TARBP1: variants seen among roughly 807,000 people sequenced by gnomAD.
TARBP1 encodes tRNA guanosine 2 -O-methyltransferase TARBP1.
TARBP1 carries 144 observed loss-of-function variants against 178.6 expected under a neutral mutation model. That is an observed-to-expected ratio of 0.81 (90% CI 0.70 to 0.93). TARBP1 has a LOEUF of 0.93. Among genes scored for constraint, TARBP1 ranks in the 40% least tolerant of loss-of-function variants. The pLI is 0.00. For missense variants in TARBP1, 2,067 were observed against 2,011.7 expected (o/e 1.03, Z -0.53); for synonymous variants, 787 against 781.0 (o/e 1.01, Z -0.13).
chr1:234,401,132 C>T, intron 25 of TARBP1, 49 bp downstream of exon 25: 1 of 1,470,828 alleles, frequency 6.8e-7, no homozygotes, highest in Non-Finnish European at 9.4e-7. Context: ...AAGGAAGCAT[C>T]AGGATTAAAG....
intron 25 of TARBP1, among the ~76,000 whole-genome samples, chr1:234,399,726 T>A (rs2103040679): frequency 6.6e-6 from 1 of 152,242 alleles, no homozygotes; most frequent in Non-Finnish European, 1.5e-5. Flanking sequence ...TGAGTTCATG[T>A]CCTTTGTAGG....
In TARBP1 at chr1:234,451,554, C is replaced by T. The variant is rs1458801616; in HGVS notation, c.1723-988G>A. On this transcript the variant is annotated intron_variant, in intron 9 of 29. Coordinates refer to ENST00000040877, the MANE Select transcript of TARBP1 (RefSeq NM_005646.4). ...CGAGGTCAGGAGATCGAGACCATCCCGGCTAAAAACGGTGAAACCCCGTCT... is the reference window on the plus strand; with the variant it reads ...CGAGGTCAGGAGATCGAGACCATCCTGGCTAAAAACGGTGAAACCCCGTCT... 1.9e-4 allele frequency among the ~76,000 whole-genome samples: 7 copies of T among 36,798 alleles called. 2 individuals are homozygous for T. The highest frequency in any genetic ancestry group is 1.4e-3 in the South Asian group (2 of 1,462). The allele number at this position is 36,798 out of a possible 152,430, so 24.1% of individuals were successfully genotyped here.
chr1:234,437,644 G>A lies in TARBP1; in HGVS notation c.2135-272C>T, dbSNP rs577468419. ...AAACCTAGACAGAATGCATGACGCA[G>A]CTATTTGAAAACTCTACAAGGAAAA... On this transcript the variant is annotated intron_variant, in intron 12 of 29. Coordinates refer to ENST00000040877, the MANE Select transcript of TARBP1 (RefSeq NM_005646.4). Among the ~76,000 whole-genome samples the A allele has an allele frequency of 7.4e-4, 113 of 152,340 alleles. 1 individual carries two copies. The highest frequency in any genetic ancestry group is 7.3e-3 in the South Asian group (35 of 4,824).
chr1:234,477,795 GATAA>G (rs1669704900), intron 1 of TARBP1, among the ~76,000 whole-genome samples: 1 of 152,166 alleles, frequency 6.6e-6, no homozygotes, highest in South Asian at 2.1e-4. Flanking sequence ...GGTCAGTACA[GATAA>G]ATAACAAATA....
At chr1:234,418,263 TAC>T (rs1662672474) in intron 21 of TARBP1, 30 bp from the exon 22 acceptor site, 1 of 1,522,460 alleles carries the variant, frequency 6.6e-7, no homozygotes. Flanking sequence ...ATTAACCAGT[TAC>T]AGTTATTCAT....
chr1:234,474,272 AC>A lies in TARBP1; in HGVS notation c.932-1462del, dbSNP rs747804083. ...CACACACACACACACACACACACAC[AC>A]ACACACACACACACAAAGGGGACAT... On this transcript the variant is annotated intron_variant, in intron 1 of 29. Coordinates refer to ENST00000040877, the MANE Select transcript of TARBP1 (RefSeq NM_005646.4). Among the ~76,000 whole-genome samples, 310 of 150,618 alleles carry A rather than the reference AC, an allele frequency of 2.1e-3. 3 individuals are homozygous for A. Among genetic ancestry groups the A allele is most frequent in the African/African-American group, 4.7e-3 (192 of 40,966 alleles).
chr1:234,458,628 C>A (rs1667532824), intron 8 of TARBP1, among the ~76,000 whole-genome samples: 1 of 152,234 alleles, frequency 6.6e-6, no homozygotes, highest in Admixed American at 6.5e-5. Flanking sequence ...AAAGAGTTTG[C>A]TGACCCCTGT....
At position 234,478,500 on chromosome 1, in the gene TARBP1, A is replaced by G. The variant is rs1333926692; in HGVS notation, c.604T>C (p.Cys202Arg). Residue 202 changes from cysteine (C) to arginine (R), a missense_variant, in exon 1 of 30, where the codon TGT becomes CGT. Coordinates refer to ENST00000040877, the MANE Select transcript of TARBP1 (RefSeq NM_005646.4). Reference protein sequence around the residue: ...AGRLLPVLVQCGGAALRAVWG... With the variant: ...AGRLLPVLVQRGGAALRAVWG... ...ACGGCCCGCAGCGCCGCCCCGCCAC[A>G]TTGGACCAGCACTGGCAGCAGTCGC... 1.2e-5 allele frequency: 17 copies of G among 1,393,200 alleles called. No individual in the cohort carries two copies. The highest frequency in any genetic ancestry group is 1.5e-5 in the African/African-American group (1 of 65,780). The allele number at this position is 1,393,200 out of a possible 1,614,324, so 86.3% of individuals were successfully genotyped here.
At chr1:234,470,826 G>T (rs949514438) in intron 3 of TARBP1, among the ~76,000 whole-genome samples, 5 of 151,982 alleles carry the variant, frequency 3.3e-5, no homozygotes, top group African/African-American at 1.2e-4. Flanking sequence ...ATGTTGGCCA[G>T]GCTGGTCTTG....
chr1:234,448,140 T>C (rs547972526), intron 11 of TARBP1, among the ~76,000 whole-genome samples: 3 of 152,358 alleles, frequency 2.0e-5, no homozygotes, highest in African/African-American at 7.2e-5. Context: ...GGTTTCACCA[T>C]GTTGGCCAGT....
At chr1:234,419,094 C>T (rs1016681253) in intron 21 of TARBP1, among the ~76,000 whole-genome samples, 2 of 152,006 alleles carry the variant, frequency 1.3e-5, no homozygotes, top group Non-Finnish European at 2.9e-5. Context: ...ATGGCGTGAA[C>T]CCTGGGGGGC....
chr1:234,447,073 C>T, intron 11 of TARBP1, 98 bp from the exon 12 acceptor site: 3 of 1,276,198 alleles, frequency 2.4e-6, no homozygotes, highest in Non-Finnish European at 2.3e-6. Flanking sequence ...CTAATGGATC[C>T]AATTAGACAA....
At chr1:234,450,165 C>A (rs964217349) in intron 10 of TARBP1, among the ~76,000 whole-genome samples, 1 of 137,014 alleles carries the variant, frequency 7.3e-6, no homozygotes, top group East Asian at 2.2e-4. Flanking sequence ...GACTTTGCAT[C>A]CACTTCTTAA....
rs72765619 is a variant in TARBP1, at chr1:234,461,764, C to T, written c.1400-1368G>A. Among the ~76,000 whole-genome samples the T allele has an allele frequency of 4.2e-3, 646 of 152,208 alleles. 3 individuals carry two copies. The highest frequency in any genetic ancestry group is 6.8e-3 in the Middle Eastern group (2 of 294). ...TTCTTGACTACCTTGGATTTAATTA[C>T]GATTATTTATATTTCTATTTTGAGA... On this transcript the variant is annotated intron_variant, in intron 6 of 29. Coordinates refer to ENST00000040877, the MANE Select transcript of TARBP1 (RefSeq NM_005646.4).
Position 234,463,943 on chromosome 1 carries a change from A to G in TARBP1, c.1302-9T>C. The G allele has an allele frequency of 6.5e-7, 1 of 1,541,816 alleles. No homozygotes were observed. The highest frequency in any genetic ancestry group is 8.8e-7 in the Non-Finnish European group (1 of 1,141,466). ...TTGGCTGGCCTGGGGACCTACAAAC[A>G]GAGAGTGGGGAAAACAAATATTTAA... On this transcript the variant is annotated splice_polypyrimidine_tract_variant and intron_variant, in intron 5 of 29. Coordinates refer to ENST00000040877, the MANE Select transcript of TARBP1 (RefSeq NM_005646.4).
intron 5 of TARBP1, among the ~76,000 whole-genome samples, chr1:234,464,719 G>A (rs1046610945): frequency 1.3e-5 from 2 of 152,158 alleles, no homozygotes; most frequent in Admixed American, 6.5e-5. Context: ...ATTGGCTGGT[G>A]GGGGGAGGTA....
chr1:234,444,289 A>G (rs1001236976), intron 12 of TARBP1, among the ~76,000 whole-genome samples: 3 of 152,246 alleles, frequency 2.0e-5, no homozygotes. Flanking sequence ...AGTATACTGA[A>G]GGCTCATATA....
intron 22 of TARBP1, among the ~76,000 whole-genome samples, chr1:234,410,889 A>G (rs1359554650): frequency 2.0e-5 from 3 of 152,220 alleles, no homozygotes; most frequent in Non-Finnish European, 2.9e-5. Flanking sequence ...CTTGGCCAAC[A>G]TGGTGAAACC....
At chr1:234,465,960 G>T (rs894822364) in intron 4 of TARBP1, among the ~76,000 whole-genome samples, 1 of 152,146 alleles carries the variant, frequency 6.6e-6, no homozygotes, top group Admixed American at 6.5e-5. Flanking sequence ...GAGAGTTCAT[G>T]TGTTGGGTCA....
Sources: gnomAD v4.1 joint callset for allele counts (sites outside exome capture counted in the v4.1 genomes callset) on GRCh38, gnomAD v4.1.1 for gene constraint, MANE v1.5 for transcripts, NCBI Gene and HGNC (gene_info 2026-07-23, HGNC 2026-07-21) for gene names.